The following CSNK1G3 variants were observed in gnomAD, a reference collection of about 807,000 sequenced individuals.
CSNK1G3 encodes casein kinase 1 gamma 3.
Under a neutral mutation model 64.3 loss-of-function variants are expected in CSNK1G3, and 23 were observed. That is an observed-to-expected ratio of 0.36 (90% CI 0.26 to 0.51). CSNK1G3 has a LOEUF of 0.51. Ranked by LOEUF, CSNK1G3 falls within the 20% of genes least tolerant of loss-of-function variation. The pLI, the probability that CSNK1G3 is intolerant of heterozygous loss-of-function variation, is 0.96. For missense variants in CSNK1G3, 357 were observed against 510.5 expected (o/e 0.70, Z 2.90); for synonymous variants, 158 against 162.2 (o/e 0.97, Z 0.20).
At chr5:123,603,206 T>C (rs568649425) in intron 10 of CSNK1G3, among the ~76,000 whole-genome samples, 2 of 152,038 alleles carry the variant, frequency 1.3e-5, no homozygotes, top group African/African-American at 4.8e-5. Context: ...GGAGAACTGA[T>C]TGCAAGGAGT....
At chr5:123,526,221 T>G (rs1043247154) in intron 1 of CSNK1G3, among the ~76,000 whole-genome samples, 3 of 151,564 alleles carry the variant, frequency 2.0e-5, no homozygotes, top group Admixed American at 1.3e-4. Flanking sequence ...TTAATTTATT[T>G]ATTATTATTA....
intron 4 of CSNK1G3, among the ~76,000 whole-genome samples, chr5:123,565,503 A>G (rs1786685445): frequency 6.6e-6 from 1 of 152,238 alleles, no homozygotes; most frequent in Admixed American, 6.5e-5. Flanking sequence ...TTTCTTAATC[A>G]GAGCTGTTTA....
At chr5:123,544,986 T>A (rs988635909) in intron 1 of CSNK1G3, among the ~76,000 whole-genome samples, 1 of 152,130 alleles carries the variant, frequency 6.6e-6, no homozygotes, top group Admixed American at 6.6e-5. Flanking sequence ...TTGAAAATTA[T>A]TAAGTATATG....
chr5:123,569,312 A>G (rs1433333751), intron 4 of CSNK1G3, among the ~76,000 whole-genome samples: 1 of 152,232 alleles, frequency 6.6e-6, no homozygotes, highest in Non-Finnish European at 1.5e-5. Context: ...TTGACTAATT[A>G]ATTTTTAAAT....
intron 1 of CSNK1G3, among the ~76,000 whole-genome samples, chr5:123,531,961 C>T (rs545862098): frequency 2.4e-4 from 36 of 151,860 alleles, no homozygotes; most frequent in African/African-American, 7.7e-4. Context: ...ATGCATTTTT[C>T]CATTCTCTTC....
chr5:123,519,905 G>GA (rs1777795919), intron 1 of CSNK1G3, among the ~76,000 whole-genome samples: 1 of 152,186 alleles, frequency 6.6e-6, no homozygotes, highest in Non-Finnish European at 1.5e-5. Context: ...CTACTTTACA[G>GA]TTTTGCTCAG....
intron 1 of CSNK1G3, among the ~76,000 whole-genome samples, chr5:123,535,973 C>A (rs1261924906): frequency 6.6e-6 from 1 of 151,992 alleles, no homozygotes; most frequent in Admixed American, 6.6e-5. Context: ...ATTAGCTGCC[C>A]CTTGCTCCTC....
Position 123,545,653 on chromosome 5 carries a change from G to A in CSNK1G3, c.-11G>A, listed in dbSNP as rs377657356. 2.1e-5 allele frequency: 34 copies of A among 1,608,138 alleles called. No individual in the cohort carries two copies. In the East Asian group the frequency reaches 2.5e-4, roughly 12 times the overall value. On this transcript the variant is annotated 5_prime_UTR_variant, in exon 2 of 13. Transcript: ENST00000345990. ...ATTAAAGAATTCAAAGTGGAGTACC[G>A]CAAACTTGATATGGAAAATAAAAAG...
intron 1 of CSNK1G3, among the ~76,000 whole-genome samples, chr5:123,525,899 G>A (rs1778973984): frequency 1.3e-5 from 2 of 151,468 alleles, no homozygotes; most frequent in African/African-American, 4.9e-5. Context: ...TTGGGAAGCT[G>A]AGGCAGGAGA....
intron 5 of CSNK1G3, among the ~76,000 whole-genome samples, chr5:123,575,222 A>G (rs1399780981): frequency 2.0e-5 from 3 of 152,316 alleles, no homozygotes; most frequent in Non-Finnish European, 2.9e-5. Flanking sequence ...TTTAATACCT[A>G]GGAAAAAGTA....
chr5:123,526,443 T>C (rs993931552), intron 1 of CSNK1G3, among the ~76,000 whole-genome samples: 2 of 151,538 alleles, frequency 1.3e-5, no homozygotes, highest in African/African-American at 2.4e-5. Flanking sequence ...AATATTCTCT[T>C]TTTTTTTAGC....
intron 6 of CSNK1G3, among the ~76,000 whole-genome samples, chr5:123,581,846 C>G (rs965528864): frequency 2.6e-5 from 4 of 151,722 alleles, no homozygotes; most frequent in Admixed American, 6.6e-5. Context: ...TGAACCTTTT[C>G]TTCCTTGTAG....
At chr5:123,546,384 T>C (rs1782522314) in intron 2 of CSNK1G3, among the ~76,000 whole-genome samples, 1 of 152,138 alleles carries the variant, frequency 6.6e-6, no homozygotes, top group Non-Finnish European at 1.5e-5. Context: ...TTCAGGTTAT[T>C]ATAATTAGGC....
intron 4 of CSNK1G3, among the ~76,000 whole-genome samples, chr5:123,561,740 T>C (rs1227188840): frequency 6.6e-6 from 1 of 152,122 alleles, no homozygotes; most frequent in Non-Finnish European, 1.5e-5. Context: ...TGGAATTGAG[T>C]TCCCTACCTT....
At chr5:123,527,602 A>T (rs973829734) in intron 1 of CSNK1G3, among the ~76,000 whole-genome samples, 33 of 152,160 alleles carry the variant, frequency 2.2e-4, no homozygotes, top group African/African-American at 8.0e-4. Flanking sequence ...AGCCTTTTAA[A>T]TTTGTGGCCT....
intron 1 of CSNK1G3, among the ~76,000 whole-genome samples, chr5:123,517,517 G>A (rs1055305788): frequency 1.3e-5 from 2 of 151,640 alleles, no homozygotes; most frequent in Admixed American, 1.3e-4. Flanking sequence ...AATTTTAAAT[G>A]ATTAGGGAAA....
intron 8 of CSNK1G3, among the ~76,000 whole-genome samples, chr5:123,589,117 T>C (rs575491266): frequency 1.1e-3 from 164 of 152,322 alleles, no homozygotes; most frequent in African/African-American, 3.9e-3. Flanking sequence ...GACTGTGATT[T>C]ATTTGTGCAG....
chr5:123,548,481 C>A, intron 2 of CSNK1G3, among the ~76,000 whole-genome samples: 2 of 145,460 alleles, frequency 1.4e-5, no homozygotes, highest in African/African-American at 5.1e-5. Context: ...AAAAAAAAGG[C>A]CATGAGATGA....
chr5:123,565,674 G>A (rs1040216167), intron 4 of CSNK1G3, among the ~76,000 whole-genome samples: 8 of 152,182 alleles, frequency 5.3e-5, no homozygotes, highest in Admixed American at 3.9e-4. Flanking sequence ...TCTGTAGGCT[G>A]TATAGGAAGC....
Sources: allele counts gnomAD v4.1 joint callset (sites outside exome capture counted in the v4.1 genomes callset), GRCh38; gene constraint gnomAD v4.1.1; transcripts MANE v1.5; gene names NCBI Gene and HGNC (gene_info 2026-07-23, HGNC 2026-07-21).